The following RBFOX1 variants were observed in gnomAD, a reference collection of about 807,000 sequenced individuals.
RBFOX1 encodes RNA binding protein fox-1 homolog 1.
A neutral mutation model predicts 57.7 loss-of-function variants in RBFOX1; 8 were observed. The ratio of observed to expected loss-of-function variants is 0.14; its 90% CI spans 0.08 to 0.25. RBFOX1 has a LOEUF of 0.25. Ranked by LOEUF, RBFOX1 falls within the 10% of genes least tolerant of loss-of-function variation. The probability of loss-of-function intolerance (pLI) is 1.00; values close to 1 mark genes in which losing one functional copy is unlikely to be tolerated. For missense variants in RBFOX1, 611 were observed against 548.5 expected (o/e 1.11, Z -1.14); for synonymous variants, 326 against 222.4 (o/e 1.47, Z -4.15).
intron 3 of RBFOX1, among the ~76,000 whole-genome samples, chr16:6,764,444 G>A (rs1376183397): frequency 6.6e-6 from 1 of 152,166 alleles, no homozygotes; most frequent in African/African-American, 2.4e-5. Context: ...TTAGCTTGAT[G>A]AGCACAACTC....
At chr16:6,641,734 CAAAAAAAAAAAAAAAAAAAAAAAAA>C (rs869202831) in intron 2 of RBFOX1, among the ~76,000 whole-genome samples, 33 of 68,970 alleles carry the variant, frequency 4.8e-4, no homozygotes, top group East Asian at 1.2e-3. Context: ...GACTCCGTCT[CAAAAAAAAAAAAAAAAAAAAAAAAA>C]AAAAAAAAAA....
At chr16:5,691,504 G>C (rs1344493635) in intron 3 of RBFOX1, among the ~76,000 whole-genome samples, 1 of 152,210 alleles carries the variant, frequency 6.6e-6, no homozygotes. Context: ...ATATTTGTGT[G>C]TGTGTACAGG....
intron 1 of RBFOX1, among the ~76,000 whole-genome samples, chr16:6,021,723 G>C (rs1172718691): frequency 1.3e-5 from 2 of 152,192 alleles, no homozygotes; most frequent in Non-Finnish European, 1.5e-5. Flanking sequence ...AGAGCACAGG[G>C]CTTCTGGATC....
At chr16:5,577,734 A>G (rs1311987271) in intron 2 of RBFOX1, among the ~76,000 whole-genome samples, 1 of 152,164 alleles carries the variant, frequency 6.6e-6, no homozygotes, top group East Asian at 1.9e-4. Flanking sequence ...TGCCATGATC[A>G]AACACGTTAA....
At chr16:6,958,556 G>C (rs1402016761) in intron 3 of RBFOX1, among the ~76,000 whole-genome samples, 1 of 152,122 alleles carries the variant, frequency 6.6e-6, no homozygotes, top group African/African-American at 2.4e-5. Flanking sequence ...AAAAAATAAA[G>C]CCAAGGAATT....
At chr16:5,845,131 C>T (rs2056722920) in intron 3 of RBFOX1, among the ~76,000 whole-genome samples, 4 of 150,876 alleles carry the variant, frequency 2.7e-5, no homozygotes, top group Admixed American at 2.0e-4. Context: ...TTCCCAAATC[C>T]CTTAAGCTTT....
chr16:6,541,387 T>A (rs1033807103), intron 2 of RBFOX1, among the ~76,000 whole-genome samples: 1 of 152,056 alleles, frequency 6.6e-6, no homozygotes, highest in Non-Finnish European at 1.5e-5. Context: ...TAAACAGAGG[T>A]TATGGCAGTG....
intron 1 of RBFOX1, among the ~76,000 whole-genome samples, chr16:6,118,270 T>C (rs1393888019): frequency 1.3e-5 from 2 of 152,230 alleles, no homozygotes; most frequent in Non-Finnish European, 1.5e-5. Flanking sequence ...TTGTTTTTAG[T>C]TGCCATATCA....
chr16:6,636,812 TA>T (rs2098438531), intron 2 of RBFOX1, among the ~76,000 whole-genome samples: 1 of 9,396 alleles, frequency 1.1e-4, no homozygotes, highest in Non-Finnish European at 7.0e-3. Flanking sequence ...ATATAATATA[TA>T]ATATATAATA....
chr16:5,348,553 C>T (rs982961865), intron 1 of RBFOX1, among the ~76,000 whole-genome samples: 4 of 152,148 alleles, frequency 2.6e-5, no homozygotes, highest in African/African-American at 9.7e-5. Context: ...GGGTTCAAAC[C>T]TAGGTTGGCT....
At chr16:6,673,337 C>G (rs2098779588) in intron 3 of RBFOX1, among the ~76,000 whole-genome samples, 1 of 152,160 alleles carries the variant, frequency 6.6e-6, no homozygotes, top group African/African-American at 2.4e-5. Flanking sequence ...CCTGTAATCC[C>G]AGCACTTTGG....
At chr16:5,816,934 C>G (rs995292467) in intron 3 of RBFOX1, among the ~76,000 whole-genome samples, 3 of 152,134 alleles carry the variant, frequency 2.0e-5, no homozygotes, top group Admixed American at 2.0e-4. Context: ...TATAGGCATG[C>G]ATATCCTCTC....
chr16:7,422,223 A>G (rs983877037), intron 4 of RBFOX1, among the ~76,000 whole-genome samples: 2 of 152,178 alleles, frequency 1.3e-5, no homozygotes, highest in Non-Finnish European at 2.9e-5. Context: ...CTCTCCCACC[A>G]GTAGGCTGTT....
chr16:5,410,118 C>T (rs924661781), intron 1 of RBFOX1, among the ~76,000 whole-genome samples: 1 of 151,330 alleles, frequency 6.6e-6, no homozygotes, highest in Non-Finnish European at 1.5e-5. Context: ...AATGCCTGCG[C>T]TTTGGGAGAG....
At chr16:7,415,631 A>T (rs942626798) in intron 4 of RBFOX1, among the ~76,000 whole-genome samples, 6 of 152,298 alleles carry the variant, frequency 3.9e-5, no homozygotes, top group African/African-American at 1.2e-4. Flanking sequence ...GTAGGTTCCC[A>T]GCATTGTATT....
chr16:7,250,615 C>T (rs1192279646), intron 4 of RBFOX1, among the ~76,000 whole-genome samples: 1 of 152,172 alleles, frequency 6.6e-6, no homozygotes, highest in East Asian at 1.9e-4. Context: ...TAACTATGTA[C>T]ACAGCAGACA....
At chr16:6,320,217 G>A (rs985006625) in intron 2 of RBFOX1, among the ~76,000 whole-genome samples, 2 of 152,148 alleles carry the variant, frequency 1.3e-5, no homozygotes, top group Non-Finnish European at 2.9e-5. Flanking sequence ...GCTGATGCTT[G>A]TATCACACAG....
intron 4 of RBFOX1, among the ~76,000 whole-genome samples, chr16:5,958,700 G>A (rs576530544): frequency 3.6e-4 from 55 of 152,324 alleles, no homozygotes; most frequent in African/African-American, 1.3e-3. Flanking sequence ...ATGCAGACCT[G>A]TGGGGTTAAA....
At chr16:6,835,885 T>C (rs1311166105) in intron 3 of RBFOX1, among the ~76,000 whole-genome samples, 1 of 151,978 alleles carries the variant, frequency 6.6e-6, no homozygotes, top group Non-Finnish European at 1.5e-5. Context: ...GGCTCCACCT[T>C]TATGGTTGCC....
Sources: allele counts gnomAD v4.1 joint callset (sites outside exome capture counted in the v4.1 genomes callset), GRCh38; gene constraint gnomAD v4.1.1; transcripts MANE v1.5; gene names NCBI Gene and HGNC (gene_info 2026-07-23, HGNC 2026-07-21).